Variants in NCAM2 observed in about 807,000 individuals in gnomAD.
NCAM2 encodes N-CAM-2.
A neutral mutation model predicts 98.1 loss-of-function variants in NCAM2; 30 were observed. The observed-to-expected ratio is 0.31, with a 90% CI of 0.23 to 0.41. The LOEUF is 0.41. Among genes scored for constraint, NCAM2 ranks in the 10% least tolerant of loss-of-function variants. The pLI is 1.00. For synonymous variants in NCAM2, 368 were observed against 342.4 expected (o/e 1.07, Z -0.83); for missense variants, 867 against 1,005.8 (o/e 0.86, Z 1.87).
intron 12 of NCAM2, among the ~76,000 whole-genome samples, chr21:21,465,972 T>G (rs1367073789): frequency 6.6e-6 from 1 of 152,064 alleles, no homozygotes; most frequent in Non-Finnish European, 1.5e-5. Context: ...TCCTTGTGCC[T>G]TTTCATATTC....
At chr21:21,386,306 C>T (rs1015947600) in intron 9 of NCAM2, among the ~76,000 whole-genome samples, 2 of 152,022 alleles carry the variant, frequency 1.3e-5, no homozygotes, top group Admixed American at 6.6e-5. Context: ...AGAAAAATTC[C>T]TTGGTCATAG....
At chr21:21,128,930 G>A (rs1465712674) in intron 1 of NCAM2, among the ~76,000 whole-genome samples, 1 of 152,122 alleles carries the variant, frequency 6.6e-6, no homozygotes, top group Non-Finnish European at 1.5e-5. Context: ...AGAAGATATT[G>A]TGGGGACCAA....
Position 21,316,844 on chromosome 21 carries a change from A to G in NCAM2, c.620-7539A>G, listed in dbSNP as rs950957012. On this transcript the variant is annotated intron_variant, in intron 5 of 17. Transcript: ENST00000400546. ...CAGGCGTTAGCCACCGCGCCCGGCC[A>G]TATTTATTCTTGATATATAAATAAA... 1.1e-4 allele frequency among the ~76,000 whole-genome samples: 17 copies of G among 152,210 alleles called. No individual in the cohort carries two copies. In the East Asian group the frequency reaches 1.9e-3, roughly 17 times the overall value.
At chr21:21,466,865 T>A in intron 13 of NCAM2, 140 bp downstream of exon 13, 2 of 907,778 alleles carry the variant, frequency 2.2e-6, no homozygotes, top group Non-Finnish European at 3.2e-6. Context: ...CTGAAGACAG[T>A]GACATCTGAG....
chr21:21,408,344 C>G (rs1379626286), intron 9 of NCAM2, among the ~76,000 whole-genome samples: 1 of 152,128 alleles, frequency 6.6e-6, no homozygotes, highest in African/African-American at 2.4e-5. Flanking sequence ...CACCTAAGTA[C>G]AAAGATGTAC....
intron 1 of NCAM2, among the ~76,000 whole-genome samples, chr21:21,066,759 A>G (rs1199528313): frequency 1.3e-5 from 2 of 152,138 alleles, no homozygotes; most frequent in African/African-American, 4.8e-5. Flanking sequence ...TATACTTTTA[A>G]GCCTATAGCA....
chr21:21,149,555 C>T (rs937479523), intron 1 of NCAM2, among the ~76,000 whole-genome samples: 7 of 151,962 alleles, frequency 4.6e-5, no homozygotes, highest in Non-Finnish European at 8.8e-5. Flanking sequence ...TCCTAATGCT[C>T]TCCCTCCCCT....
intron 1 of NCAM2, among the ~76,000 whole-genome samples, chr21:21,277,837 T>C (rs115385420): frequency 0.017 from 2,561 of 152,112 alleles, 69 homozygotes; most frequent in African/African-American, 0.059. Context: ...ATATGGCAGA[T>C]GAAATATATT....
At chr21:21,224,042 G>A (rs1017486973) in intron 1 of NCAM2, among the ~76,000 whole-genome samples, 7 of 152,076 alleles carry the variant, frequency 4.6e-5, no homozygotes, top group East Asian at 3.9e-4. Context: ...TTATCATTGC[G>A]GAGCTCAGAA....
At chr21:21,197,930 G>A (rs527328686) in intron 1 of NCAM2, among the ~76,000 whole-genome samples, 50 of 152,270 alleles carry the variant, frequency 3.3e-4, no homozygotes, top group African/African-American at 1.1e-3. Flanking sequence ...GAGTTTGAAT[G>A]TTGCCTTTAC....
intron 1 of NCAM2, among the ~76,000 whole-genome samples, chr21:21,252,726 GT>G (rs2071520441): frequency 6.6e-6 from 1 of 152,040 alleles, no homozygotes; most frequent in African/African-American, 2.4e-5. Context: ...CCAAAATAAA[GT>G]AAAGTGAAAA....
At chr21:21,315,485 T>TA (rs2074194107) in intron 5 of NCAM2, among the ~76,000 whole-genome samples, 1 of 152,180 alleles carries the variant, frequency 6.6e-6, no homozygotes. Context: ...CTGATGAGAT[T>TA]AATGAGGAGG....
intron 1 of NCAM2, among the ~76,000 whole-genome samples, chr21:21,051,032 A>G (rs1188178186): frequency 6.6e-6 from 1 of 152,182 alleles, no homozygotes; most frequent in Non-Finnish European, 1.5e-5. Context: ...GTCCACCGTG[A>G]TATGTGGTGC....
chr21:21,213,402 A>AC lies in NCAM2; in HGVS notation c.56-67176_56-67175insC, dbSNP rs1568778286. 4.6e-5 allele frequency among the ~76,000 whole-genome samples: 7 copies of AC among 152,336 alleles called. No homozygotes were observed. In the East Asian group the frequency reaches 1.4e-3, roughly 29 times the overall value. ...ATTCCCAATATTAAACAGATTTATG[A>AC]ATAGCATAATATTGTTAAGTTATTT... On this transcript the variant is annotated intron_variant, in intron 1 of 17. Transcript: ENST00000400546.
chr21:21,136,951 T>C (rs1275282108), intron 1 of NCAM2, among the ~76,000 whole-genome samples: 2 of 152,140 alleles, frequency 1.3e-5, no homozygotes, highest in Non-Finnish European at 2.9e-5. Context: ...TTAAGAATTG[T>C]TATTACTGCC....
intron 1 of NCAM2, among the ~76,000 whole-genome samples, chr21:21,168,222 GA>G (rs1162826785): frequency 6.6e-6 from 1 of 151,624 alleles, no homozygotes; most frequent in African/African-American, 2.4e-5. Context: ...CCTAGATACA[GA>G]AAAAAAATCT....
intron 4 of NCAM2, among the ~76,000 whole-genome samples, chr21:21,288,605 G>A (rs1191482747): frequency 6.6e-6 from 1 of 151,534 alleles, no homozygotes; most frequent in Non-Finnish European, 1.5e-5. Context: ...CCTTGAAATA[G>A]TGTAGAAACT....
At chr21:21,422,114 T>A (rs2077123217) in intron 11 of NCAM2, among the ~76,000 whole-genome samples, 4 of 152,182 alleles carry the variant, frequency 2.6e-5, no homozygotes, top group African/African-American at 7.2e-5. Flanking sequence ...AGTGTTGGGA[T>A]CCAGAGAGGG....
At chr21:21,302,770 A>G (rs892724260) in intron 5 of NCAM2, among the ~76,000 whole-genome samples, 1 of 152,196 alleles carries the variant, frequency 6.6e-6, no homozygotes, top group African/African-American at 2.4e-5. Flanking sequence ...AAAGGAATAT[A>G]GATCATTATA....
Sources: gnomAD v4.1 joint callset for allele counts (sites outside exome capture counted in the v4.1 genomes callset) on GRCh38, gnomAD v4.1.1 for gene constraint, MANE v1.5 for transcripts, NCBI Gene and HGNC (gene_info 2026-07-23, HGNC 2026-07-21) for gene names.